The following PITPNA variants were observed in gnomAD, a reference collection of about 807,000 sequenced individuals.
PITPNA encodes the protein phosphatidylinositol transfer protein alpha.
In PITPNA, 13 loss-of-function variants were observed where a neutral mutation model predicts 50.3. That is an observed-to-expected ratio of 0.26 (90% confidence interval 0.17 to 0.41). PITPNA has a LOEUF of 0.41. Ranked by LOEUF, PITPNA falls within the 10% of genes least tolerant of loss-of-function variation. The pLI is 1.00. For missense variants in PITPNA, 207 were observed against 333.4 expected, an observed-to-expected ratio of 0.62 and a Z score of 2.95; for synonymous variants, 120 against 119.6, an observed-to-expected ratio of 1.00 and a Z score of -0.02.
intron 10 of PITPNA, among the ~76,000 whole-genome samples, chr17:1,527,473 C>T (rs945970869): frequency 6.6e-6 from 1 of 152,138 alleles, no homozygotes; most frequent in Admixed American, 6.5e-5. Flanking sequence ...AACTCCCAAG[C>T]TCAGGTGATC....
intron 9 of PITPNA, 71 bp from the exon 10 acceptor site, chr17:1,534,292 A>G (rs1050171475): frequency 6.3e-6 from 10 of 1,589,322 alleles, no homozygotes; most frequent in Non-Finnish European, 8.6e-6. Flanking sequence ...CTCTCCATGC[A>G]CTCCACACGA....
At chr17:1,529,153 A>AGAG (rs764282490) in intron 10 of PITPNA, among the ~76,000 whole-genome samples, 9 of 53,440 alleles carry the variant, frequency 1.7e-4, no homozygotes, top group African/African-American at 7.6e-4. Context: ...AAAAAAAAAA[A>AGAG]AAAGAGAGAG....
At chr17:1,549,305 A>G (rs1336552533) in intron 3 of PITPNA, among the ~76,000 whole-genome samples, 1 of 142,318 alleles carries the variant, frequency 7.0e-6, no homozygotes, top group Non-Finnish European at 1.5e-5. Flanking sequence ...TTGACGGAGT[A>G]GGAAAACATT....
chr17:1,520,562 A>C (rs1195956719), intron 11 of PITPNA, 24 bp from the exon 12 acceptor site: 1 of 152,162 alleles, frequency 6.6e-6, no homozygotes, highest in Admixed American at 6.6e-5. Flanking sequence ...GAAAGTATTA[A>C]GGAAGCAAGA....
intron 1 of PITPNA, among the ~76,000 whole-genome samples, chr17:1,560,508 T>G (rs937223816): frequency 6.6e-6 from 1 of 152,172 alleles, no homozygotes; most frequent in South Asian, 2.1e-4. Context: ...CCTTGGACTT[T>G]TCCCTTGCAG....
intron 2 of PITPNA, among the ~76,000 whole-genome samples, chr17:1,555,139 A>G (rs2075728891): frequency 6.6e-6 from 1 of 152,152 alleles, no homozygotes; most frequent in African/African-American, 2.4e-5. Flanking sequence ...GGAGGGGGCG[A>G]GGTTCCCAGC....
chr17:1,546,142 C>T (rs1031558521), intron 4 of PITPNA, among the ~76,000 whole-genome samples: 4 of 151,742 alleles, frequency 2.6e-5, no homozygotes, highest in Non-Finnish European at 5.9e-5. Context: ...TTAGCCAGGC[C>T]GGTCTTGAAC....
chr17:1,527,913 G>T (rs1250435286), intron 10 of PITPNA, among the ~76,000 whole-genome samples: 1 of 152,182 alleles, frequency 6.6e-6, no homozygotes, highest in Admixed American at 6.5e-5. Context: ...TGGGTGTGTT[G>T]GCCCACGCCT....
intron 4 of PITPNA, among the ~76,000 whole-genome samples, chr17:1,545,950 G>A (rs915972971): frequency 3.5e-5 from 5 of 141,414 alleles, no homozygotes; most frequent in African/African-American, 5.4e-5. Flanking sequence ...TTTAATAAAC[G>A]GAGTTTTGCT....
intron 10 of PITPNA, among the ~76,000 whole-genome samples, chr17:1,528,782 G>C (rs568519675): frequency 2.0e-5 from 3 of 151,918 alleles, no homozygotes; most frequent in South Asian, 2.1e-4. Flanking sequence ...TTCCATAATT[G>C]GGGATGTTGG....
At chr17:1,541,004 T>C (rs375600580) in intron 6 of PITPNA, among the ~76,000 whole-genome samples, 11 of 152,162 alleles carry the variant, frequency 7.2e-5, no homozygotes, top group Non-Finnish European at 1.0e-4. Context: ...CCTCAAATGA[T>C]CCTCCAGCCT....
intron 5 of PITPNA, chr17:1,541,858 C>T: frequency 7.7e-6 from 5 of 648,708 alleles, no homozygotes; most frequent in Non-Finnish European, 1.2e-5. Flanking sequence ...GTAGAATCAC[C>T]CTCATTTTAC....
intron 4 of PITPNA, among the ~76,000 whole-genome samples, chr17:1,547,076 T>C (rs2075678598): frequency 6.6e-6 from 1 of 151,280 alleles, no homozygotes; most frequent in Middle Eastern, 3.4e-3. Context: ...ATGAGAAACT[T>C]AGGCCAGGCA....
At chr17:1,534,626 C>T (rs2075603776) in intron 9 of PITPNA, among the ~76,000 whole-genome samples, 3 of 152,190 alleles carry the variant, frequency 2.0e-5, no homozygotes, top group Admixed American at 6.5e-5. Context: ...TCAAACATGT[C>T]GGAGGATTAA....
chr17:1,551,540 G>A (rs761096912), intron 3 of PITPNA, among the ~76,000 whole-genome samples: 50 of 152,144 alleles, frequency 3.3e-4, no homozygotes, highest in African/African-American at 9.2e-4. Flanking sequence ...TGATCCATCC[G>A]TCTCGGCCTC....
intron 3 of PITPNA, among the ~76,000 whole-genome samples, chr17:1,551,398 C>A (rs1170269131): frequency 2.0e-5 from 3 of 151,158 alleles, no homozygotes; most frequent in African/African-American, 7.3e-5. Flanking sequence ...CTCGGGTGAT[C>A]CTTCCACCTC....
intron 3 of PITPNA, among the ~76,000 whole-genome samples, chr17:1,551,434 G>A (rs894550090): frequency 2.0e-5 from 3 of 152,026 alleles, no homozygotes; most frequent in Admixed American, 1.3e-4. Context: ...CAGGACTACA[G>A]ACACTCGCCA....
At chr17:1,559,656 T>A (rs926596357) in intron 1 of PITPNA, 1 of 450,100 alleles carries the variant, frequency 2.2e-6, no homozygotes, top group African/African-American at 2.1e-5. Context: ...GGCTCACCAC[T>A]CAGGCTCCTT....
intron 6 of PITPNA, among the ~76,000 whole-genome samples, chr17:1,539,773 G>A (rs1013035279): frequency 5.9e-5 from 9 of 152,236 alleles, no homozygotes; most frequent in South Asian, 4.1e-4. Context: ...GTCTTGCTGC[G>A]ACGCCCAGGC....
Sources: allele counts gnomAD v4.1 joint callset (sites outside exome capture counted in the v4.1 genomes callset), GRCh38; gene constraint gnomAD v4.1.1; transcripts MANE v1.5; gene names NCBI Gene and HGNC (gene_info 2026-07-23, HGNC 2026-07-21).